CPSF4: variants seen among roughly 807,000 people sequenced by gnomAD.
CPSF4 encodes cleavage and polyadenylation specificity factor subunit 4.
A neutral mutation model predicts 37.7 loss-of-function variants in CPSF4; 11 were observed. That is an observed-to-expected ratio of 0.29 (90% CI 0.18 to 0.48). The LOEUF (loss-of-function observed/expected upper bound fraction) is 0.48, where lower values mean the gene tolerates loss of function less well. Ranked by LOEUF, CPSF4 falls within the 20% of genes least tolerant of loss-of-function variation. CPSF4 has a pLI of 0.99. For synonymous variants in CPSF4, 132 were observed against 135.9 expected, an observed-to-expected ratio of 0.97 and a Z score of 0.20; for missense variants, 144 against 359.5, an observed-to-expected ratio of 0.40 and a Z score of 4.85.
In CPSF4 at chr7:99,448,022, C is replaced by T; in HGVS notation, c.155-99C>T. ...AGGACGTGATGCCTTCAGGTGGCTC[C>T]AGGAGTTAGGAAGTGAAGGTACCTC... On this transcript the variant is annotated intron_variant, in intron 2 of 7. Transcript: ENST00000292476. The surrounding 1 kb of genome is among the most constrained non-coding windows in gnomAD (Gnocchi z 4.4). The T allele has an allele frequency of 2.4e-6, 3 of 1,261,112 alleles. No individual in the cohort carries two copies. In the Admixed American group the frequency reaches 5.8e-5, roughly 24 times the overall value. The allele number at this position is 1,261,112 out of a possible 1,614,324, so 78.1% of individuals were successfully genotyped here.
At chr7:99,443,208 C>T in intron 1 of CPSF4, 1 of 780,476 alleles carries the variant, frequency 1.3e-6, no homozygotes, top group Non-Finnish European at 2.4e-6. Context: ...CTTCTGCATT[C>T]TCTCAGCCTG....
In CPSF4 at chr7:99,443,748, A is replaced by G. The variant is rs187998790; in HGVS notation, c.104-1041A>G. Among the ~76,000 whole-genome samples the G allele has an allele frequency of 9.3e-3, 1,405 of 151,584 alleles. 9 individuals are homozygous for G. The highest frequency in any genetic ancestry group is 0.018 in the Admixed American group (274 of 15,230). On this transcript the variant is annotated intron_variant, in intron 1 of 7. Coordinates refer to ENST00000292476, the MANE Select transcript of CPSF4 (RefSeq NM_006693.4). ...AGCCTGGCCAACATGGCAAAACCCT[A>G]TCTCTACTAAAAATACAAAAAAATT...
chr7:99,446,082 T>C (rs142326533), intron 2 of CPSF4, among the ~76,000 whole-genome samples: 79 of 152,340 alleles, frequency 5.2e-4, no homozygotes, highest in African/African-American at 1.8e-3. Context: ...TTTGCTTCTA[T>C]AACGTAGTCA....
In CPSF4 at chr7:99,439,048, G is replaced by A. The variant is rs770760260; in HGVS notation, c.-35G>A. 6.3e-7 allele frequency: 1 copy of A among 1,581,110 alleles called. No homozygotes were observed. The highest frequency in any genetic ancestry group is 1.1e-5 in the South Asian group (1 of 88,788). ...AGGCGAGAAGGCTGCAGGAGACCGAGGGGGAGCCGGGCCGGTGGGGCCGCC... is the reference window on the plus strand; with the variant it reads ...AGGCGAGAAGGCTGCAGGAGACCGAAGGGGAGCCGGGCCGGTGGGGCCGCC... On this transcript the variant is annotated 5_prime_UTR_variant, in exon 1 of 8. Transcript: ENST00000292476.
chr7:99,452,671 C>G (rs527302820), intron 6 of CPSF4: 2 of 547,884 alleles, frequency 3.7e-6, no homozygotes, highest in African/African-American at 3.8e-5. Flanking sequence ...GCAGCAGACA[C>G]AGTCCAGGCG....
rs560302586 is a variant in CPSF4 at position 99,446,516 on chromosome 7, G to A, written c.155-1605G>A. Among the ~76,000 whole-genome samples, 7 of 152,170 alleles carry A rather than the reference G, an allele frequency of 4.6e-5. No individual in the cohort carries two copies. In the South Asian group the frequency reaches 1.5e-3, roughly 32 times the overall value. On this transcript the variant is annotated intron_variant, in intron 2 of 7. Transcript: ENST00000292476. ...GAAGTCTCACACATCCCCAGAGGCT[G>A]GCTCTGTCCCATCAGGTCCTGTCCC...
intron 2 of CPSF4, among the ~76,000 whole-genome samples, chr7:99,445,562 T>C (rs1797418005): frequency 6.6e-6 from 1 of 152,180 alleles, no homozygotes; most frequent in African/African-American, 2.4e-5. Flanking sequence ...TTTTAATAAT[T>C]GTATGTGGGC....
At position 99,452,017 on chromosome 7, in the gene CPSF4, AG is replaced by A. The variant is rs1431311483; in HGVS notation, c.498-345del. ...GACGCCAGAGTAAGACCCTGCGGGG[AG>A]GGGGGCTTCCCTGTGTACAGCTCCT... On this transcript the variant is annotated intron_variant, in intron 5 of 7. Coordinates refer to ENST00000292476, the MANE Select transcript of CPSF4 (RefSeq NM_006693.4). Among the ~76,000 whole-genome samples, 9 of 152,222 alleles carry A rather than the reference AG, an allele frequency of 5.9e-5. No homozygotes were observed. The South Asian group carries it at 1.0e-3, about 18-fold the overall frequency.
chr7:99,444,949 C>G, intron 2 of CPSF4, 110 bp downstream of exon 2: 1 of 918,810 alleles, frequency 1.1e-6, no homozygotes, highest in South Asian at 1.4e-5. Flanking sequence ...TTTCTACAGA[C>G]TAACGATCTC....
rs1011567151 is a variant in CPSF4, at chr7:99,448,002, G to T, written c.155-119G>T. 3.3e-6 allele frequency: 3 copies of T among 919,604 alleles called. No homozygotes were observed. The highest frequency in any genetic ancestry group is 1.6e-5 in the South Asian group (1 of 64,008). The allele number at this position is 919,604 out of a possible 1,614,324, so 57.0% of individuals were successfully genotyped here. ...GGGGACCTCTGCCCCTTTCCAGGAC[G>T]TGATGCCTTCAGGTGGCTCCAGGAG... On this transcript the variant is annotated intron_variant, in intron 2 of 7. Transcript: ENST00000292476. This position sits in a 1 kb window ranked among gnomAD's most constrained non-coding sequence, Gnocchi z 4.4.
chr7:99,456,581 C>A lies in CPSF4; in HGVS notation c.*81C>A. The stretch of plus-strand genomic sequence containing the variant: ...TTTAACTGTTTCATGCGCTTGTTGG[C>A]GCGACTGTGGCTCGAGCTGGCCCGC... On this transcript the variant is annotated 3_prime_UTR_variant, in exon 8 of 8. Coordinates refer to ENST00000292476, the MANE Select transcript of CPSF4 (RefSeq NM_006693.4). 8.1e-7 allele frequency: 1 copy of A among 1,231,750 alleles called. No homozygotes were observed. The highest frequency in any genetic ancestry group is 1.2e-6 in the Non-Finnish European group (1 of 845,746). 76.3% of individuals were successfully genotyped at this position (1,231,750 alleles called of 1,614,324 possible).
At chr7:99,455,581 TGGGCAGAGCCCCTCA>T (rs1418878238) in intron 7 of CPSF4, among the ~76,000 whole-genome samples, 1 of 152,214 alleles carries the variant, frequency 6.6e-6, no homozygotes, top group Non-Finnish European at 1.5e-5. Flanking sequence ...GGGTGCCAAC[TGGGCAGAGCCCCTCA>T]GGGCAGCAGG....
rs532350166 is a variant in CPSF4, at chr7:99,440,901, C to A, written c.103+1716C>A. Among the ~76,000 whole-genome samples, 52 of 150,464 alleles carry A rather than the reference C, an allele frequency of 3.5e-4. 1 individual carries two copies. The highest frequency in any genetic ancestry group is 2.5e-3 in the South Asian group (12 of 4,748). ...ACACACACACACCCCCTCTTACCTA[C>A]CCCTCGACTCTTGTGATCATCCCTG... On this transcript the variant is annotated intron_variant, in intron 1 of 7. Coordinates refer to ENST00000292476, the MANE Select transcript of CPSF4 (RefSeq NM_006693.4).
At chr7:99,440,505 C>T (rs1354417700) in intron 1 of CPSF4, among the ~76,000 whole-genome samples, 3 of 151,442 alleles carry the variant, frequency 2.0e-5, no homozygotes, top group Non-Finnish European at 2.9e-5. Flanking sequence ...TGCACCAACA[C>T]GCCTGGCAAA....
Position 99,453,952 on chromosome 7 carries a change from G to A in CPSF4, c.571-14G>A, listed in dbSNP as rs769586215. On this transcript the variant is annotated splice_polypyrimidine_tract_variant and intron_variant, in intron 6 of 7. Coordinates refer to ENST00000292476, the MANE Select transcript of CPSF4 (RefSeq NM_006693.4). This position sits in a 1 kb window ranked among gnomAD's most constrained non-coding sequence, Gnocchi z 4.7. ...GTTTTCCACAGTAAAACCGTGTTGT[G>A]TAACTCTTTCCAGCAAAGTAACAAT... 5 of 1,613,398 alleles carry A rather than the reference G, an allele frequency of 3.1e-6. No homozygotes were observed. In the African/African-American group the frequency reaches 5.3e-5, roughly 17 times the overall value.
intron 7 of CPSF4, among the ~76,000 whole-genome samples, chr7:99,455,046 C>T (rs1437351979): frequency 1.3e-5 from 2 of 151,892 alleles, no homozygotes; most frequent in Non-Finnish European, 2.9e-5. Context: ...CAGACTGAGA[C>T]TCTTTGTCTC....
In CPSF4 at chr7:99,448,457, CTCT is replaced by C; in HGVS notation, c.307+186_307+188del. ...GACAGTGTGGCTATTTTCTGCTCAT[CTCT>C]TTTTTTTTTTTTTTTTTTTTAAAGA... On this transcript the variant is annotated intron_variant, in intron 3 of 7. Transcript: ENST00000292476. The surrounding 1 kb of genome is among the most constrained non-coding windows in gnomAD (Gnocchi z 4.4). The C allele has an allele frequency of 6.7e-6, 3 of 445,752 alleles. No individual in the cohort carries two copies. Among genetic ancestry groups the C allele is most frequent in the Non-Finnish European group, 1.2e-5 (3 of 253,986 alleles). 27.6% of individuals were successfully genotyped at this position (445,752 alleles called of 1,614,324 possible). A position where few individuals can be genotyped will look rare whatever the true frequency, so the allele number is the denominator to read the frequency against.
At position 99,456,722 on chromosome 7, in the gene CPSF4, G is replaced by A. The variant is rs1371873123; in HGVS notation, c.*222G>A. ...TGTGGGTCCCTGCAGTCGACATCAT[G>A]TTTGGCTGGGCATCGATGCCTCCTT... On this transcript the variant is annotated 3_prime_UTR_variant, in exon 8 of 8. Transcript: ENST00000292476. 4.9e-6 allele frequency: 3 copies of A among 617,268 alleles called. No individual in the cohort carries two copies. The highest frequency in any genetic ancestry group is 8.9e-6 in the Non-Finnish European group (3 of 336,444). 38.2% of individuals were successfully genotyped at this position (617,268 alleles called of 1,614,324 possible).
chr7:99,447,118 C>CTTAT (rs1457032886), intron 2 of CPSF4, among the ~76,000 whole-genome samples: 1 of 151,404 alleles, frequency 6.6e-6, no homozygotes, highest in African/African-American at 2.4e-5. Context: ...GGCTTACTTA[C>CTTAT]TTACTTACTT....
Sources: allele counts gnomAD v4.1 joint callset (sites outside exome capture counted in the v4.1 genomes callset), GRCh38; gene constraint gnomAD v4.1.1; non-coding constraint Gnocchi (gnomAD v3.1); transcripts MANE v1.5; gene names NCBI Gene and HGNC (gene_info 2026-07-23, HGNC 2026-07-21).